PSEN1: variants seen among roughly 807,000 people sequenced by gnomAD.
PSEN1 encodes the protein presenilin-1.
In PSEN1, 15 loss-of-function variants were observed where a neutral mutation model predicts 53.5. The ratio of observed to expected loss-of-function variants is 0.28; its 90% CI spans 0.19 to 0.43. PSEN1 has a LOEUF of 0.43. Among genes scored for constraint, PSEN1 ranks in the 20% least tolerant of loss-of-function variants. PSEN1 has a pLI of 1.00. For missense variants in PSEN1, 387 were observed against 571.2 expected (o/e 0.68, Z 3.29); for synonymous variants, 208 against 209.8 (o/e 0.99, Z 0.08).
chr14:73,192,372 T>C (rs1898754574), intron 6 of PSEN1, among the ~76,000 whole-genome samples: 1 of 151,852 alleles, frequency 6.6e-6, no homozygotes, highest in South Asian at 2.1e-4. Context: ...TCTCCGGAGG[T>C]AAAGACTGCA....
intron 7 of PSEN1, among the ~76,000 whole-genome samples, chr14:73,197,229 G>A (rs538453194): frequency 5.9e-5 from 9 of 152,184 alleles, no homozygotes; most frequent in African/African-American, 1.7e-4. Flanking sequence ...CACTGCGCCC[G>A]GCCTATATGC....
chr14:73,154,110 C>T (rs1382540490), intron 3 of PSEN1, among the ~76,000 whole-genome samples: 4 of 152,036 alleles, frequency 2.6e-5, no homozygotes, highest in Admixed American at 6.6e-5. Context: ...ATTATAACCA[C>T]GTAGGCATGT....
chr14:73,217,333 C>T, intron 11 of PSEN1, 89 bp downstream of exon 11: 1 of 1,464,730 alleles, frequency 6.8e-7, no homozygotes. Context: ...GTTTTAACCC[C>T]AGGTGGGTTA....
chr14:73,198,269 T>G, intron 8 of PSEN1, 140 bp downstream of exon 8: 2 of 651,070 alleles, frequency 3.1e-6, no homozygotes, highest in Non-Finnish European at 5.5e-6. Flanking sequence ...CAGATCTCTT[T>G]GTTTCCTTGC....
intron 11 of PSEN1, among the ~76,000 whole-genome samples, chr14:73,217,713 A>G (rs1481013246): frequency 6.6e-6 from 1 of 151,954 alleles, no homozygotes; most frequent in African/African-American, 2.4e-5. Context: ...GCATCTAGTG[A>G]GAGGAGCTGG....
At chr14:73,142,066 CAAA>C (rs763426257) in intron 1 of PSEN1, among the ~76,000 whole-genome samples, 4 of 83,908 alleles carry the variant, frequency 4.8e-5, no homozygotes, top group Non-Finnish European at 2.5e-5. Context: ...GACTCCGTCT[CAAA>C]AAAAAAAAAA....
At chr14:73,201,682 T>C (rs1343253902) in intron 8 of PSEN1, among the ~76,000 whole-genome samples, 1 of 152,182 alleles carries the variant, frequency 6.6e-6, no homozygotes, top group East Asian at 1.9e-4. Context: ...GAGCAGGTGG[T>C]GACCTGACAG....
intron 8 of PSEN1, among the ~76,000 whole-genome samples, chr14:73,200,656 T>TTATCTAATC (rs761912772): frequency 5.3e-4 from 80 of 152,222 alleles, no homozygotes; most frequent in Non-Finnish European, 1.1e-3. Flanking sequence ...ATCTCTAATC[T>TTATCTAATC]TAATGCCTTA....
At chr14:73,206,268 A>G (rs907047917) in intron 8 of PSEN1, 118 bp from the exon 9 acceptor site, 4 of 752,234 alleles carry the variant, frequency 5.3e-6, no homozygotes, top group African/African-American at 5.2e-5. Flanking sequence ...TGATTGTTGA[A>G]CAGTCTTAAG....
At chr14:73,212,894 G>T (rs914399688) in intron 10 of PSEN1, among the ~76,000 whole-genome samples, 1 of 152,168 alleles carries the variant, frequency 6.6e-6, no homozygotes, top group Non-Finnish European at 1.5e-5. Context: ...AGTGAAACTT[G>T]ATTAAAACAT....
intron 1 of PSEN1, among the ~76,000 whole-genome samples, chr14:73,138,636 G>C (rs927802672): frequency 6.6e-6 from 1 of 151,996 alleles, no homozygotes; most frequent in African/African-American, 2.4e-5. Flanking sequence ...ACAGGCACAA[G>C]CCACTGTGCC....
At chr14:73,211,678 A>C in intron 9 of PSEN1, 91 bp from the exon 10 acceptor site, 1 of 1,413,364 alleles carries the variant, frequency 7.1e-7, no homozygotes, top group Non-Finnish European at 9.9e-7. Context: ...AGCTAGTTAC[A>C]ATGACAGCTA....
intron 1 of PSEN1, 76 bp from the exon 2 acceptor site, chr14:73,147,719 A>G (rs2140507514): frequency 2.6e-6 from 1 of 391,568 alleles, no homozygotes; most frequent in South Asian, 2.3e-5. Flanking sequence ...AATTGGTCTT[A>G]TAAGTATTTG....
intron 3 of PSEN1, among the ~76,000 whole-genome samples, chr14:73,154,491 C>T (rs1450675112): frequency 6.6e-6 from 1 of 151,504 alleles, no homozygotes; most frequent in Non-Finnish European, 1.5e-5. Context: ...GTCCCAGCTA[C>T]TTGGGAAGCT....
At chr14:73,186,756 G>T in intron 5 of PSEN1, 97 bp from the exon 6 acceptor site, 1 of 1,012,964 alleles carries the variant, frequency 9.9e-7, no homozygotes, top group Non-Finnish European at 1.6e-6. Flanking sequence ...CAGTCTGGGC[G>T]ACAAAGTGAG....
chr14:73,183,330 G>A (rs1182088605), intron 5 of PSEN1, among the ~76,000 whole-genome samples: 4 of 151,362 alleles, frequency 2.6e-5, no homozygotes, highest in African/African-American at 9.7e-5. Context: ...GATAATTCTT[G>A]GGTGTTTCTC....
intron 10 of PSEN1, among the ~76,000 whole-genome samples, chr14:73,214,034 G>A (rs1236489989): frequency 6.6e-6 from 1 of 152,020 alleles, no homozygotes; most frequent in Non-Finnish European, 1.5e-5. Flanking sequence ...CATATACAAT[G>A]GTCATAGTAA....
chr14:73,206,233 A>G (rs1899448760), intron 8 of PSEN1, 153 bp from the exon 9 acceptor site: 1 of 684,166 alleles, frequency 1.5e-6, no homozygotes, highest in African/African-American at 1.8e-5. Context: ...AAAACCAAAG[A>G]GAACCTTTTT....
intron 1 of PSEN1, among the ~76,000 whole-genome samples, chr14:73,140,713 C>A (rs984969043): frequency 6.6e-6 from 1 of 152,154 alleles, no homozygotes; most frequent in African/African-American, 2.4e-5. Flanking sequence ...AATCTGAATT[C>A]TAAACACATT....
Sources: allele counts gnomAD v4.1 joint callset (sites outside exome capture counted in the v4.1 genomes callset), GRCh38; gene constraint gnomAD v4.1.1; transcripts MANE v1.5; gene names NCBI Gene and HGNC (gene_info 2026-07-23, HGNC 2026-07-21).